Variants in ANKIB1 observed in about 807,000 individuals in gnomAD.
ANKIB1 encodes ankyrin repeat and IBR domain containing 1.
In ANKIB1, 43 loss-of-function variants were observed where a neutral mutation model predicts 122.1. The observed-to-expected ratio is 0.35, with a 90% CI of 0.28 to 0.45. The LOEUF (loss-of-function observed/expected upper bound fraction) is 0.45, where lower values mean the gene tolerates loss of function less well. ANKIB1 is among the 20% of genes least tolerant of loss of function. ANKIB1 has a pLI of 1.00. For synonymous variants in ANKIB1, 390 were observed against 442.0 expected, an observed-to-expected ratio of 0.88 and a Z score of 1.48; for missense variants, 992 against 1,329.5, an observed-to-expected ratio of 0.75 and a Z score of 3.95.
At chr7:92,343,373 T>C in intron 6 of ANKIB1, 141 bp downstream of exon 6, 1 of 683,370 alleles carries the variant, frequency 1.5e-6, no homozygotes. Context: ...TTCGGTTATT[T>C]CCATGCTTCA....
At chr7:92,251,462 A>G (rs938519512) in intron 1 of ANKIB1, among the ~76,000 whole-genome samples, 9 of 152,324 alleles carry the variant, frequency 5.9e-5, no homozygotes, top group Non-Finnish European at 1.2e-4. Context: ...GTATCACTAG[A>G]TGTTCTATAT....
chr7:92,295,607 G>T (rs1802339436), intron 2 of ANKIB1, among the ~76,000 whole-genome samples: 1 of 152,124 alleles, frequency 6.6e-6, no homozygotes, highest in African/African-American at 2.4e-5. Flanking sequence ...TCCAAACTCT[G>T]ATTAGCTATT....
intron 1 of ANKIB1, among the ~76,000 whole-genome samples, chr7:92,258,808 A>G (rs1369205942): frequency 6.6e-6 from 1 of 152,190 alleles, no homozygotes; most frequent in African/African-American, 2.4e-5. Flanking sequence ...TCTCTCATCC[A>G]TCTGCTATCT....
chr7:92,275,388 T>C (rs1259433041), intron 1 of ANKIB1, among the ~76,000 whole-genome samples: 1 of 152,208 alleles, frequency 6.6e-6, no homozygotes, highest in African/African-American at 2.4e-5. Context: ...CCCAATTGTT[T>C]TAATGATTTC....
At chr7:92,275,409 T>C (rs1279604633) in intron 1 of ANKIB1, among the ~76,000 whole-genome samples, 1 of 152,104 alleles carries the variant, frequency 6.6e-6, no homozygotes, top group Non-Finnish European at 1.5e-5. Context: ...TTCCTGTGAG[T>C]TGGGGTGGTG....
At chr7:92,382,941 T>A (rs1403318041) in intron 11 of ANKIB1, among the ~76,000 whole-genome samples, 5 of 152,032 alleles carry the variant, frequency 3.3e-5, no homozygotes, top group African/African-American at 1.2e-4. Context: ...AAAAAATCAA[T>A]GAGTCCAGGA....
intron 5 of ANKIB1, among the ~76,000 whole-genome samples, chr7:92,331,875 TA>T (rs2131962848): frequency 6.6e-6 from 1 of 152,172 alleles, no homozygotes; most frequent in South Asian, 2.1e-4. Flanking sequence ...AGCCAAATCA[TA>T]TAGTGTTCAT....
chr7:92,354,226 G>C (rs531053139), intron 9 of ANKIB1, among the ~76,000 whole-genome samples: 1 of 152,176 alleles, frequency 6.6e-6, no homozygotes, highest in Admixed American at 6.5e-5. Flanking sequence ...CATAGATGAT[G>C]CTATAAACTG....
At chr7:92,373,270 A>G (rs1804313354) in intron 11 of ANKIB1, among the ~76,000 whole-genome samples, 2 of 152,194 alleles carry the variant, frequency 1.3e-5, no homozygotes, top group Admixed American at 6.5e-5. Flanking sequence ...TCTGATATAG[A>G]CTACATAGAT....
At position 92,338,945 on chromosome 7, in the gene ANKIB1, T is replaced by A. The variant is rs1438860433; in HGVS notation, c.788-4079T>A. ...AAAAAAAAAAAAAAATATATATATA[T>A]ATATATATATATATATATATATATA... On this transcript the variant is annotated intron_variant, in intron 5 of 19. Transcript: ENST00000265742. Among the ~76,000 whole-genome samples, 556 of 81,278 alleles carry A rather than the reference T, an allele frequency of 6.8e-3. 8 individuals carry two copies. The highest frequency in any genetic ancestry group is 9.2e-3 in the Non-Finnish European group (414 of 44,884). The allele number at this position is 81,278 out of a possible 152,430, so 53.3% of individuals were successfully genotyped here.
intron 1 of ANKIB1, among the ~76,000 whole-genome samples, chr7:92,263,190 C>G (rs542628978): frequency 6.6e-6 from 1 of 152,246 alleles, no homozygotes; most frequent in Non-Finnish European, 1.5e-5. Flanking sequence ...CACATGTATT[C>G]TTCAAGCTTT....
chr7:92,397,660 GA>G, intron 18 of ANKIB1, 62 bp from the exon 19 acceptor site: 1 of 1,591,484 alleles, frequency 6.3e-7, no homozygotes. Flanking sequence ...CCAGATGTAT[GA>G]AAAAAATAAA....
intron 5 of ANKIB1, among the ~76,000 whole-genome samples, chr7:92,340,098 T>C (rs1318304367): frequency 6.6e-6 from 1 of 151,784 alleles, no homozygotes; most frequent in African/African-American, 2.4e-5. Flanking sequence ...GGCCACTGAA[T>C]TTTTTTTTAA....
rs184469852 is a variant in ANKIB1 at position 92,318,235 on chromosome 7, G to C, written c.487-1095G>C. Among the ~76,000 whole-genome samples, 10 of 152,180 alleles carry C rather than the reference G, an allele frequency of 6.6e-5. No homozygotes were observed. In the East Asian group the frequency reaches 1.9e-3, roughly 29 times the overall value. ...CTGAATCCTATAAAAGAATCCTGTG[G>C]CTGGGCGCGGTGGCTCACACCTTTA... On this transcript the variant is annotated intron_variant, in intron 3 of 19. Transcript: ENST00000265742.
intron 7 of ANKIB1, chr7:92,347,831 T>A (rs1354411991): frequency 1.6e-5 from 4 of 248,666 alleles, no homozygotes; most frequent in African/African-American, 9.3e-5. Context: ...TAATAGTATG[T>A]GCTTCCTAGG....
chr7:92,392,904 A>G (rs1187231000), intron 17 of ANKIB1, among the ~76,000 whole-genome samples: 2 of 152,078 alleles, frequency 1.3e-5, no homozygotes, highest in Non-Finnish European at 2.9e-5. Context: ...AATAAGACAG[A>G]GTGAAACTCT....
At chr7:92,272,742 G>T (rs745616366) in intron 1 of ANKIB1, among the ~76,000 whole-genome samples, 3 of 152,156 alleles carry the variant, frequency 2.0e-5, no homozygotes, top group Non-Finnish European at 4.4e-5. Flanking sequence ...GAATATGGTC[G>T]TGTGTCACTT....
intron 3 of ANKIB1, among the ~76,000 whole-genome samples, chr7:92,314,284 C>T (rs1292313218): frequency 1.3e-5 from 2 of 149,398 alleles, no homozygotes; most frequent in African/African-American, 5.0e-5. Context: ...GGTGACAGAG[C>T]GAGATGCTGT....
intron 10 of ANKIB1, among the ~76,000 whole-genome samples, chr7:92,368,159 A>C (rs983331269): frequency 2.0e-5 from 3 of 152,144 alleles, no homozygotes; most frequent in African/African-American, 7.2e-5. Context: ...CTATTTCTAA[A>C]AAAAATTAAA....
Sources: gnomAD v4.1 joint callset for allele counts (sites outside exome capture counted in the v4.1 genomes callset) on GRCh38, gnomAD v4.1.1 for gene constraint, MANE v1.5 for transcripts, NCBI Gene and HGNC (gene_info 2026-07-23, HGNC 2026-07-21) for gene names.